CSMD1: variants seen among roughly 807,000 people sequenced by gnomAD.
CSMD1 encodes CUB and Sushi multiple domains 1, also known as CUB and sushi domain-containing protein 1.
CSMD1 carries 213 observed loss-of-function variants against 417.5 expected under a neutral mutation model. The observed-to-expected ratio is 0.51, with a 90% CI of 0.46 to 0.57. The LOEUF is 0.57. CSMD1 is among the 20% of genes least tolerant of loss of function. The pLI is 0.00. For synonymous variants in CSMD1, 2,862 were observed against 1,736.8 expected (o/e 1.65, Z -16.11); for missense variants, 6,923 against 4,529.7 (o/e 1.53, Z -15.17).
intron 2 of CSMD1, among the ~76,000 whole-genome samples, chr8:4,588,839 AC>A (rs1367638207): frequency 6.6e-6 from 1 of 151,414 alleles, no homozygotes; most frequent in African/African-American, 2.4e-5. Flanking sequence ...GATTCTGTTC[AC>A]AGGCTGCTGC....
intron 2 of CSMD1, among the ~76,000 whole-genome samples, chr8:4,511,504 A>G (rs985619743): frequency 5.9e-5 from 9 of 152,128 alleles, no homozygotes; most frequent in Non-Finnish European, 8.8e-5. Context: ...GGAAGTCACC[A>G]CTCTGTCCTA....
At chr8:4,816,710 T>C (rs1247911000) in intron 1 of CSMD1, among the ~76,000 whole-genome samples, 1 of 152,134 alleles carries the variant, frequency 6.6e-6, no homozygotes, top group Non-Finnish European at 1.5e-5. Context: ...AAAGAAGTGA[T>C]TTCCAGATGC....
chr8:4,585,840 T>A (rs995695381), intron 2 of CSMD1, among the ~76,000 whole-genome samples: 1 of 152,134 alleles, frequency 6.6e-6, no homozygotes. Context: ...TCAGGTCGAA[T>A]AAAAATTATA....
At chr8:4,504,301 G>A (rs935375093) in intron 2 of CSMD1, among the ~76,000 whole-genome samples, 1 of 152,132 alleles carries the variant, frequency 6.6e-6, no homozygotes, top group African/African-American at 2.4e-5. Context: ...AAAGAATGGA[G>A]GTTGCCAGGT....
chr8:3,024,877 AC>A (rs60265540), intron 51 of CSMD1, among the ~76,000 whole-genome samples: 11,131 of 152,182 alleles, frequency 0.073, 526 homozygotes, highest in African/African-American at 0.14. Flanking sequence ...GGAGGGAAAC[AC>A]AAGACAACTG....
chr8:4,040,835 C>G (rs1024133038), intron 3 of CSMD1, among the ~76,000 whole-genome samples: 6 of 151,950 alleles, frequency 3.9e-5, no homozygotes, highest in Non-Finnish European at 4.4e-5. Flanking sequence ...TTTAGCAGCT[C>G]CGGACAATCG....
chr8:3,700,795 G>A (rs1450008606), intron 7 of CSMD1, among the ~76,000 whole-genome samples: 1 of 152,144 alleles, frequency 6.6e-6, no homozygotes, highest in East Asian at 1.9e-4. Context: ...ATGCAAGGGT[G>A]GGAGCAAAGG....
chr8:3,582,654 C>T (rs1197591456), intron 9 of CSMD1, among the ~76,000 whole-genome samples: 1 of 151,888 alleles, frequency 6.6e-6, no homozygotes, highest in Non-Finnish European at 1.5e-5. Flanking sequence ...GAGCTATGCT[C>T]TAAGTAGAAA....
chr8:3,573,130 C>G (rs771107140), intron 10 of CSMD1, among the ~76,000 whole-genome samples: 1 of 152,050 alleles, frequency 6.6e-6, no homozygotes. Flanking sequence ...GTTTCTGTTA[C>G]ACTACCAGTA....
At chr8:3,753,390 A>G (rs962392019) in intron 6 of CSMD1, among the ~76,000 whole-genome samples, 2 of 152,188 alleles carry the variant, frequency 1.3e-5, no homozygotes, top group African/African-American at 4.8e-5. Context: ...GAAAAAGAAC[A>G]TTTCATTACC....
chr8:4,710,324 A>G (rs1047589874), intron 1 of CSMD1, among the ~76,000 whole-genome samples: 1 of 150,778 alleles, frequency 6.6e-6, no homozygotes, highest in Admixed American at 6.6e-5. Flanking sequence ...ACGCATATAA[A>G]CATATTCTAA....
chr8:4,017,286 T>C (rs930365444), intron 4 of CSMD1, among the ~76,000 whole-genome samples: 14 of 152,174 alleles, frequency 9.2e-5, no homozygotes, highest in Admixed American at 9.2e-4. Flanking sequence ...ATTTCTAATA[T>C]CAAATGCCAC....
At chr8:3,851,793 GAGT>G (rs1249615406) in intron 5 of CSMD1, among the ~76,000 whole-genome samples, 1 of 152,202 alleles carries the variant, frequency 6.6e-6, no homozygotes, top group Non-Finnish European at 1.5e-5. Context: ...AGTCAGGTGT[GAGT>G]AGAACACGTG....
intron 2 of CSMD1, among the ~76,000 whole-genome samples, chr8:4,445,886 G>A (rs1459744068): frequency 1.3e-5 from 2 of 152,202 alleles, no homozygotes; most frequent in East Asian, 1.9e-4. Context: ...GGGCACAAGA[G>A]GAGAGAGCAC....
At chr8:4,501,668 A>G (rs1802265121) in intron 2 of CSMD1, among the ~76,000 whole-genome samples, 1 of 152,198 alleles carries the variant, frequency 6.6e-6, no homozygotes. Flanking sequence ...CAGCCAGGAC[A>G]TGAATCATTC....
At chr8:4,171,276 C>G (rs1331199421) in intron 3 of CSMD1, among the ~76,000 whole-genome samples, 1 of 152,060 alleles carries the variant, frequency 6.6e-6, no homozygotes. Context: ...ATTCATTCAC[C>G]TGGCATTTAT....
At chr8:3,976,549 CAG>C (rs995984204) in intron 5 of CSMD1, among the ~76,000 whole-genome samples, 8 of 152,264 alleles carry the variant, frequency 5.3e-5, no homozygotes, top group East Asian at 1.9e-4. Flanking sequence ...GCCTGTGAAA[CAG>C]AGTGTCTTCT....
chr8:4,938,316 G>T (rs1293299623), intron 1 of CSMD1, among the ~76,000 whole-genome samples: 1 of 152,148 alleles, frequency 6.6e-6, no homozygotes, highest in Non-Finnish European at 1.5e-5. Context: ...AAGTTTAACT[G>T]CAATGAGTTC....
intron 1 of CSMD1, among the ~76,000 whole-genome samples, chr8:4,700,904 G>C: frequency 6.6e-6 from 1 of 152,176 alleles, no homozygotes; most frequent in East Asian, 1.9e-4. Flanking sequence ...AACAAAACCA[G>C]AAGATTTCAG....
Sources: gnomAD v4.1 joint callset for allele counts (sites outside exome capture counted in the v4.1 genomes callset) on GRCh38, gnomAD v4.1.1 for gene constraint, MANE v1.5 for transcripts, NCBI Gene and HGNC (gene_info 2026-07-23, HGNC 2026-07-21) for gene names.